MYO1F: variants seen among roughly 807,000 people sequenced by gnomAD.
MYO1F encodes the protein myosin IF.
In MYO1F, 60 loss-of-function variants were observed where a neutral mutation model predicts 146.6. The observed-to-expected ratio is 0.41, with a 90% CI of 0.33 to 0.51. The LOEUF (loss-of-function observed/expected upper bound fraction) is 0.51, where lower values mean the gene tolerates loss of function less well. Ranked by LOEUF, MYO1F falls within the 20% of genes least tolerant of loss-of-function variation. The pLI, the probability that MYO1F is intolerant of heterozygous loss-of-function variation, is 0.25. For synonymous variants in MYO1F, 602 were observed against 602.1 expected, an observed-to-expected ratio of 1.00 and a Z score of 0.00; for missense variants, 1,274 against 1,534.3, an observed-to-expected ratio of 0.83 and a Z score of 2.83.
intron 18 of MYO1F, 38 bp from the exon 19 acceptor site, chr19:8,536,434 C>G (rs931464832): frequency 3.1e-6 from 5 of 1,607,706 alleles, no homozygotes; most frequent in Non-Finnish European, 4.2e-6. Flanking sequence ...GTGCTCATAG[C>G]AGACAGGCCT....
chr19:8,561,964 G>A (rs1974152928), intron 1 of MYO1F, among the ~76,000 whole-genome samples: 1 of 151,252 alleles, frequency 6.6e-6, no homozygotes, highest in Non-Finnish European at 1.5e-5. Context: ...ATCCACCCAT[G>A]TCGGCCTCCC....
intron 12 of MYO1F, among the ~76,000 whole-genome samples, chr19:8,547,637 T>C: frequency 6.6e-6 from 1 of 151,288 alleles, no homozygotes; most frequent in Admixed American, 6.6e-5. Context: ...ACTTACTTCC[T>C]CAGTCTCCTC....
rs60806727 is a variant in MYO1F, at chr19:8,525,199, CA to C, written c.2854+279del. ...TGGGAGACAGAGTTGGACTCCATCTCAAAAAAAAAAAAAAAAAAAAAAAGAT... is the reference window on the plus strand; with the variant it reads ...TGGGAGACAGAGTTGGACTCCATCTCAAAAAAAAAAAAAAAAAAAAAAGAT... On this transcript the variant is annotated intron_variant, in intron 25 of 27. Coordinates refer to ENST00000644032, the MANE Select transcript of MYO1F (RefSeq NM_012335.4). 5,989 of 80,138 alleles carry C rather than the reference CA, an allele frequency of 0.075. 1 individual carries two copies. The highest frequency in any genetic ancestry group is 0.16 in the South Asian group (872 of 5,384). 5.0% of individuals were successfully genotyped at this position (80,138 alleles called of 1,614,324 possible). A position where few individuals can be genotyped will look rare whatever the true frequency, so the allele number is the denominator to read the frequency against.
Position 8,554,688 on chromosome 19 carries a change from A to T in MYO1F, c.197T>A (p.Phe66Tyr). Residue 66 changes from phenylalanine (F) to tyrosine (Y), a missense_variant, in exon 3 of 28, where the codon TTC becomes TAC. This residue lies in a region of MYO1F where 900 missense variants were observed against 1,155.1 expected (regional missense o/e 0.78). Transcript: ENST00000644032. ...ATAGAGGTCGATCTCACGGTCGGTG[A>T]AGTAGGGCATCTGCTTGAAGGGGTT... The part of the protein sequence containing the change: ...SVNPFKQMPY[F>Y]TDREIDLYQG... The T allele has an allele frequency of 1.2e-6, 2 of 1,613,760 alleles. No individual in the cohort carries two copies. The highest frequency in any genetic ancestry group is 1.7e-6 in the Non-Finnish European group (2 of 1,179,964).
At position 8,526,808 on chromosome 19, in the gene MYO1F, G is replaced by T. The variant is rs1229554216; in HGVS notation, c.2602C>A (p.Pro868Thr). 6.2e-7 allele frequency: 1 copy of T among 1,612,608 alleles called. No homozygotes were observed. Among genetic ancestry groups the T allele is most frequent in the Admixed American group, 1.7e-5 (1 of 59,870 alleles). Reference protein sequence around the residue: ...RFEEATRRPLPLTFSDTLQFR... With the variant: ...RFEEATRRPLTLTFSDTLQFR... Reference sequence around the variant, plus strand: ...CCGTACGTGTCGCTGAAGGTGAGGGGCAGGGGCCTCCGCGTCGCCTCCTCG... The same window carrying T: ...CCGTACGTGTCGCTGAAGGTGAGGGTCAGGGGCCTCCGCGTCGCCTCCTCG... The change falls in exon 23 of 28, where the codon CCC (proline) becomes ACC (threonine). Residue 868 changes from proline (P) to threonine (T), a missense_variant. By Grantham distance (38) the Pro-to-Thr change is conservative. This residue lies in a region of MYO1F where 374 missense variants were observed against 379.2 expected (regional missense o/e 0.99). Coordinates refer to ENST00000644032, the MANE Select transcript of MYO1F (RefSeq NM_012335.4).
At chr19:8,543,721 T>C (rs1408189493) in intron 14 of MYO1F, among the ~76,000 whole-genome samples, 15 of 11,886 alleles carry the variant, frequency 1.3e-3, no homozygotes, top group Non-Finnish European at 2.1e-3. Context: ...GTGGTGGTGG[T>C]GGTGCTGGTG....
intron 1 of MYO1F, among the ~76,000 whole-genome samples, chr19:8,561,802 T>C (rs2145953961): frequency 6.6e-6 from 1 of 150,856 alleles, no homozygotes; most frequent in East Asian, 2.0e-4. Flanking sequence ...CTGCAAAATC[T>C]ACCTCCCAGG....
chr19:8,562,073 C>G (rs982895642), intron 1 of MYO1F, among the ~76,000 whole-genome samples: 1 of 150,482 alleles, frequency 6.6e-6, no homozygotes, highest in South Asian at 2.1e-4. Flanking sequence ...CTTGCTCTGT[C>G]GCCCAGGCTG....
chr19:8,521,376 C>G lies in MYO1F; in HGVS notation c.*152G>C. 1.3e-6 allele frequency: 1 copy of G among 794,148 alleles called. No homozygotes were observed. Among genetic ancestry groups the G allele is most frequent in the Admixed American group, 2.0e-5 (1 of 49,350 alleles). The allele number at this position is 794,148 out of a possible 1,614,324, so 49.2% of individuals were successfully genotyped here. ...GGGGCTGCAGCAGTGACCTGGTGACCCAGGGCCTGGGCAGGACTGGAGGCC... is the reference window on the plus strand; with the variant it reads ...GGGGCTGCAGCAGTGACCTGGTGACGCAGGGCCTGGGCAGGACTGGAGGCC... On this transcript the variant is annotated 3_prime_UTR_variant, in exon 28 of 28. Coordinates refer to ENST00000644032, the MANE Select transcript of MYO1F (RefSeq NM_012335.4).
chr19:8,526,648 C>T, intron 23 of MYO1F, 47 bp from the exon 24 acceptor site: 1 of 1,560,794 alleles, frequency 6.4e-7, no homozygotes, highest in Non-Finnish European at 8.7e-7. Context: ...AGGTCCCCCG[C>T]CCCACCCAAC....
rs1175550231 is a variant in MYO1F at position 8,539,998 on chromosome 19, C to T, written c.1641G>A (p.Lys547=). ...QAFLRMLFPE[K]LDGDKKGRPS... is the part of the protein sequence containing the mutation. The stretch of plus-strand genomic sequence containing the variant: ...GGCGCCCCTTCTTGTCTCCATCCAG[C>T]TTCTCGGGGAAGAGCATCCGGAGGA... The change falls in exon 16 of 28, where the codon AAG becomes AAA. Residue 547 remains lysine (K), a synonymous_variant. Transcript: ENST00000644032. The T allele has an allele frequency of 1.2e-6, 2 of 1,612,058 alleles. No individual in the cohort carries two copies. Among genetic ancestry groups the T allele is most frequent in the Admixed American group, 1.7e-5 (1 of 59,880 alleles).
chr19:8,544,736 C>T (rs1973267947), intron 13 of MYO1F, among the ~76,000 whole-genome samples: 1 of 152,044 alleles, frequency 6.6e-6, no homozygotes, highest in Non-Finnish European at 1.5e-5. Context: ...GAGATTCAGG[C>T]CCCAGACTAG....
intron 1 of MYO1F, among the ~76,000 whole-genome samples, chr19:8,571,421 C>CTCTCT (rs1555731840): frequency 2.1e-5 from 3 of 144,740 alleles, no homozygotes; most frequent in African/African-American, 7.5e-5. Context: ...CTCTCTCTCT[C>CTCTCT]TTTTTTTTTT....
intron 9 of MYO1F, 73 bp downstream of exon 9, chr19:8,550,489 G>A: frequency 1.2e-6 from 2 of 1,612,674 alleles, no homozygotes; most frequent in South Asian, 2.2e-5. Context: ...CAGCTTCCTG[G>A]GGGCTGAGCT....
rs550826890 is a variant in MYO1F at position 8,577,418 on chromosome 19, G to A, written c.-109C>T. 640 of 1,263,356 alleles carry A rather than the reference G, an allele frequency of 5.1e-4. 9 individuals are homozygous for A. The highest frequency in any genetic ancestry group is 1.2e-4 in the Non-Finnish European group (106 of 871,426). 78.3% of individuals were successfully genotyped at this position (1,263,356 alleles called of 1,614,324 possible). On this transcript the variant is annotated 5_prime_UTR_variant, in exon 1 of 28. In the 5' UTR this introduces an upstream ATG that the reference lacks. Coordinates refer to ENST00000644032, the MANE Select transcript of MYO1F (RefSeq NM_012335.4). This position sits in a 1 kb window ranked among gnomAD's most constrained non-coding sequence, Gnocchi z 4.3. Reference sequence around the variant, plus strand: ...CTTGGGCATGGCCCTGCTTCTGCCCGTTCACCGGACTCCCGGCTTTAGTTC... The same window carrying A: ...CTTGGGCATGGCCCTGCTTCTGCCCATTCACCGGACTCCCGGCTTTAGTTC...
intron 25 of MYO1F, among the ~76,000 whole-genome samples, chr19:8,524,930 C>A (rs1972203043): frequency 6.6e-6 from 1 of 152,112 alleles, no homozygotes; most frequent in Admixed American, 6.6e-5. Flanking sequence ...GGCGCCGTAG[C>A]TCATGCTTGT....
rs747807146 is a variant in MYO1F, at chr19:8,522,743, G to A, written c.2941C>T (p.Pro981Ser). Residue 981 changes from proline (P) to serine (S), a missense_variant, in exon 26 of 28, where the codon CCC becomes TCC. This residue lies in a region of MYO1F where 374 missense variants were observed against 379.2 expected (regional missense o/e 0.99). Transcript: ENST00000644032. ...AGGGATGTGGACGGAGGGCCCCGGG[G>A]AGGCCTGTGGGTGCCCCCTCCAGAC... ...IMSGGGTHRPPRGPPSTSLGA... is the reference protein window; with the variant it reads ...IMSGGGTHRPSRGPPSTSLGA... 1.3e-5 allele frequency: 21 copies of A among 1,612,192 alleles called. No individual in the cohort carries two copies. The South Asian group carries it at 2.2e-4, about 17-fold the overall frequency.
rs575779374 is a variant in MYO1F, at chr19:8,521,241, A to G, written c.*287T>C. Reference sequence around the variant, plus strand: ...CACAGGACTCAAGACCCATTTCTTAATCACATGGCAGTTGGGAGGTAGATT... The same window carrying G: ...CACAGGACTCAAGACCCATTTCTTAGTCACATGGCAGTTGGGAGGTAGATT... On this transcript the variant is annotated 3_prime_UTR_variant, in exon 28 of 28. Coordinates refer to ENST00000644032, the MANE Select transcript of MYO1F (RefSeq NM_012335.4). 2.1e-6 allele frequency: 1 copy of G among 484,188 alleles called. No homozygotes were observed. Among genetic ancestry groups the G allele is most frequent in the Non-Finnish European group, 3.8e-6 (1 of 262,312 alleles). 30.0% of individuals were successfully genotyped at this position (484,188 alleles called of 1,614,324 possible). A position where few individuals can be genotyped will look rare whatever the true frequency, so the allele number is the denominator to read the frequency against.
At chr19:8,553,892 A>ACTCTCTCTCTCTCTCTCTCTCTCT (rs569819927) in intron 4 of MYO1F, among the ~76,000 whole-genome samples, 24 of 105,232 alleles carry the variant, frequency 2.3e-4, no homozygotes, top group South Asian at 3.5e-4. Flanking sequence ...ACACACACAC[A>ACTCTCTCTCTCTCTCTCTCTCTCT]CACTCTCTCT....
Sources: gnomAD v4.1 joint callset for allele counts (sites outside exome capture counted in the v4.1 genomes callset) on GRCh38, gnomAD v4.1.1 for gene constraint, gnomAD v4.1.1 regional missense constraint, Gnocchi (gnomAD v3.1) non-coding constraint, MANE v1.5 for transcripts, NCBI Gene and HGNC (gene_info 2026-07-23, HGNC 2026-07-21) for gene names.